The following ACACB variants were observed in gnomAD, a reference collection of about 807,000 sequenced individuals.
The protein encoded by ACACB is acetyl-CoA carboxylase 2.
A neutral mutation model predicts 278.8 loss-of-function variants in ACACB; 209 were observed. The observed-to-expected ratio is 0.75, with a 90% CI of 0.67 to 0.84. The LOEUF (loss-of-function observed/expected upper bound fraction) is 0.84, where lower values mean the gene tolerates loss of function less well. Among genes scored for constraint, ACACB ranks in the 40% least tolerant of loss-of-function variants. The pLI is 0.00. For missense variants in ACACB, 2,850 were observed against 3,269.0 expected, an observed-to-expected ratio of 0.87 and a Z score of 3.13; for synonymous variants, 1,174 against 1,285.6, an observed-to-expected ratio of 0.91 and a Z score of 1.86.
chr12:109,152,640 C>CTTTTTTT (rs34863094), intron 2 of ACACB, among the ~76,000 whole-genome samples: 24 of 74,840 alleles, frequency 3.2e-4, no homozygotes, highest in Non-Finnish European at 4.3e-4. Flanking sequence ...TTCTTTCTTT[C>CTTTTTTT]TTTTTTTTTT....
At position 109,250,005 on chromosome 12, in the gene ACACB, C is replaced by T. The variant is rs1423248428; in HGVS notation, c.5691C>T (p.Ile1897=). 10 of 1,613,178 alleles carry T rather than the reference C, an allele frequency of 6.2e-6. 1 individual carries two copies. The highest frequency in any genetic ancestry group is 5.5e-5 in the South Asian group (5 of 90,848). ...GAAGATACATGATCACGGATATCAT[C>T]GGGAAGGATGATGGCTTGGGCGTGG... The part of the protein sequence containing the change: ...GESRYMITDI[I]GKDDGLGVEN... Residue 1897 remains isoleucine, a synonymous_variant, in exon 41 of 53, where the codon ATC becomes ATT. Coordinates refer to ENST00000338432, the MANE Select transcript of ACACB (RefSeq NM_001093.4).
intron 11 of ACACB, 105 bp from the exon 12 acceptor site, chr12:109,185,474 C>G (rs1411287834): frequency 2.4e-6 from 3 of 1,267,466 alleles, no homozygotes; most frequent in Admixed American, 1.9e-5. Context: ...TCTGTATATC[C>G]TAAATCATTG....
rs572424538 is a variant in ACACB at position 109,237,359 on chromosome 12, G to A, written c.4641G>A (p.Arg1547=). Reference sequence around the variant, plus strand: ...GGTTCTTCATCCGCGCCATCATCAGGCACTCTGACCTGATCACAAAGGTAA... The same window carrying A: ...GGTTCTTCATCCGCGCCATCATCAGACACTCTGACCTGATCACAAAGGTAA... ...DHRFFIRAII[R]HSDLITKEAS... is the part of the protein sequence containing the mutation. The change falls in exon 34 of 53, where the codon AGG becomes AGA. Residue 1547 remains arginine (R), a synonymous_variant. Transcript: ENST00000338432. 5.0e-6 allele frequency: 8 copies of A among 1,614,090 alleles called. No individual in the cohort carries two copies. The highest frequency in any genetic ancestry group is 3.3e-5 in the South Asian group (3 of 91,068).
intron 1 of ACACB, among the ~76,000 whole-genome samples, chr12:109,130,035 C>T (rs974670893): frequency 3.3e-5 from 5 of 152,114 alleles, no homozygotes; most frequent in African/African-American, 1.2e-4. Flanking sequence ...GGTATTTTGC[C>T]CCCTTTTCTA....
chr12:109,116,218 T>C (rs1056180511), upstream of ACACB, among the ~76,000 whole-genome samples: 1 of 152,222 alleles, frequency 6.6e-6, no homozygotes, highest in African/African-American at 2.4e-5. Flanking sequence ...CCAGGTGACC[T>C]GATAGCGATC....
intron 1 of ACACB, among the ~76,000 whole-genome samples, chr12:109,133,861 ATATTTT>A (rs1302453279): frequency 1.1e-4 from 5 of 46,354 alleles, no homozygotes; most frequent in Non-Finnish European, 1.6e-4. Context: ...ATATATATAT[ATATTTT>A]TTTTTTTTTT....
chr12:109,233,895 G>T lies in ACACB; in HGVS notation c.4240-43G>T, dbSNP rs374629447. Reference sequence around the variant, plus strand: ...CAACCTGGGGAGCAGGTGGGCCGTGGCCCCCAGGCTTTCCAGCCCTACCCC... The same window carrying T: ...CAACCTGGGGAGCAGGTGGGCCGTGTCCCCCAGGCTTTCCAGCCCTACCCC... On this transcript the variant is annotated intron_variant, in intron 30 of 52. Coordinates refer to ENST00000338432, the MANE Select transcript of ACACB (RefSeq NM_001093.4). 3.7e-5 allele frequency: 60 copies of T among 1,612,894 alleles called. No individual in the cohort carries two copies. The African/African-American group carries it at 6.8e-4, about 18-fold the overall frequency.
At chr12:109,210,204 T>TATACACACATGTGTGTAA (rs2045721587) in intron 21 of ACACB, among the ~76,000 whole-genome samples, 11 of 81,568 alleles carry the variant, frequency 1.3e-4, no homozygotes, top group Non-Finnish European at 2.5e-4. Context: ...TATATGTATA[T>TATACACACATGTGTGTAA]ATGTATATAT....
chr12:109,247,853 C>T, intron 40 of ACACB, 150 bp downstream of exon 40: 2 of 641,092 alleles, frequency 3.1e-6, no homozygotes, highest in Non-Finnish European at 5.6e-6. Flanking sequence ...ATGCCTTAAA[C>T]ATTTGTTAAA....
chr12:109,235,395 G>T (rs201737029), intron 32 of ACACB, 26 bp downstream of exon 32: 1 of 1,605,062 alleles, frequency 6.2e-7, no homozygotes. Flanking sequence ...ATCTCTATGA[G>T]TCTTTCCCAT....
rs34863094 is a variant in ACACB, at chr12:109,152,640, CTT to C, written c.653+12606_653+12607del. Among the ~76,000 whole-genome samples, 195 of 74,858 alleles carry C rather than the reference CTT, an allele frequency of 2.6e-3. 1 individual carries two copies. The highest frequency in any genetic ancestry group is 0.012 in the South Asian group (21 of 1,682). 49.1% of individuals were successfully genotyped at this position (74,858 alleles called of 152,430 possible). A position where few individuals can be genotyped will look rare whatever the true frequency, so the allele number is the denominator to read the frequency against. On this transcript the variant is annotated intron_variant, in intron 2 of 52. Coordinates refer to ENST00000338432, the MANE Select transcript of ACACB (RefSeq NM_001093.4). ...GCCTGTGCCTTTTCTTTCTTTCTTT[CTT>C]TTTTTTTTTTTTTTTTTTTTTTTGA...
intron 18 of ACACB, among the ~76,000 whole-genome samples, chr12:109,199,839 C>T (rs928418830): frequency 1.1e-4 from 17 of 152,058 alleles, no homozygotes; most frequent in Admixed American, 2.0e-4. Context: ...TGGTGAAACC[C>T]CGTCTCTACT....
chr12:109,228,614 G>C (rs2046385416), intron 28 of ACACB, among the ~76,000 whole-genome samples: 1 of 149,052 alleles, frequency 6.7e-6, no homozygotes, highest in African/African-American at 2.5e-5. Flanking sequence ...AGCCAAGATT[G>C]TGCCACTGCA....
intron 41 of ACACB, among the ~76,000 whole-genome samples, chr12:109,250,652 GT>G (rs1224746284): frequency 6.6e-6 from 1 of 152,074 alleles, no homozygotes. Context: ...TGTAGTAGTA[GT>G]AGTAGTACTA....
intron 1 of ACACB, among the ~76,000 whole-genome samples, chr12:109,139,139 C>G (rs1462651884): frequency 2.0e-5 from 3 of 152,134 alleles, no homozygotes; most frequent in Non-Finnish European, 1.5e-5. Context: ...AATATGTGAC[C>G]TTTTGTGATT....
At chr12:109,175,851 A>T in intron 7 of ACACB, 80 bp from the exon 8 acceptor site, 1 of 1,216,566 alleles carries the variant, frequency 8.2e-7, no homozygotes, top group Non-Finnish European at 1.2e-6. Flanking sequence ...CTATGTCAGC[A>T]GGGAGAGGCG....
At chr12:109,265,075 C>T (rs1383042729) in intron 50 of ACACB, 35 bp from the exon 51 acceptor site, 3 of 1,579,812 alleles carry the variant, frequency 1.9e-6, no homozygotes, top group Non-Finnish European at 8.6e-7. Flanking sequence ...TCTCCTCCTT[C>T]CCTTTCCGGG....
chr12:109,223,022 G>A (rs2046219474), intron 26 of ACACB, 110 bp downstream of exon 26: 3 of 857,164 alleles, frequency 3.5e-6, no homozygotes, highest in African/African-American at 3.3e-5. Context: ...TGGGGTGCAG[G>A]GCACAGCCAC....
chr12:109,155,612 T>C (rs1419674599), intron 2 of ACACB, among the ~76,000 whole-genome samples: 1 of 152,080 alleles, frequency 6.6e-6, no homozygotes, highest in East Asian at 1.9e-4. Context: ...TGCAGATATG[T>C]TTTAATTTAT....
Sources: allele counts gnomAD v4.1 joint callset (sites outside exome capture counted in the v4.1 genomes callset), GRCh38; gene constraint gnomAD v4.1.1; transcripts MANE v1.5; gene names NCBI Gene and HGNC (gene_info 2026-07-23, HGNC 2026-07-21).